Variants in PARD3 observed in about 807,000 individuals in gnomAD.
PARD3 encodes partitioning defective 3 homolog.
Under a neutral mutation model 155.4 loss-of-function variants are expected in PARD3, and 75 were observed. The ratio of observed to expected loss-of-function variants is 0.48; its 90% CI spans 0.40 to 0.58. The LOEUF (loss-of-function observed/expected upper bound fraction) is 0.58. Ranked by LOEUF, PARD3 falls within the 20% of genes least tolerant of loss-of-function variation. PARD3 has a pLI of 0.00. For synonymous variants in PARD3, 576 were observed against 610.5 expected (o/e 0.94, Z 0.83); for missense variants, 1,642 against 1,721.7 (o/e 0.95, Z 0.82).
chr10:34,642,908 T>G (rs976953611), intron 2 of PARD3, among the ~76,000 whole-genome samples: 3 of 152,194 alleles, frequency 2.0e-5, no homozygotes, highest in African/African-American at 7.2e-5. Flanking sequence ...CCCAGCTCTG[T>G]GGCTTCCCAT....
chr10:34,741,173 A>ATTT (rs1470627211), intron 1 of PARD3, among the ~76,000 whole-genome samples: 1 of 82,884 alleles, frequency 1.2e-5, no homozygotes, highest in African/African-American at 3.4e-5. Context: ...TCGTAAACCA[A>ATTT]ATTTTTTTTT....
At chr10:34,140,477 G>T (rs749290490) in intron 22 of PARD3, among the ~76,000 whole-genome samples, 1 of 152,164 alleles carries the variant, frequency 6.6e-6, no homozygotes, top group African/African-American at 2.4e-5. Context: ...AATTAAGAGA[G>T]AAGGGAAAGA....
chr10:34,333,892 C>G (rs1835874113), intron 18 of PARD3, among the ~76,000 whole-genome samples: 1 of 150,630 alleles, frequency 6.6e-6, no homozygotes, highest in Non-Finnish European at 1.5e-5. Flanking sequence ...GTTAGGATTT[C>G]TCAGCGAAGT....
chr10:34,480,794 CTTT>C (rs61461165), intron 3 of PARD3, among the ~76,000 whole-genome samples: 10 of 125,768 alleles, frequency 8.0e-5, no homozygotes, highest in African/African-American at 3.1e-4. Context: ...GTTTCTTTTT[CTTT>C]TTTTTTTTTT....
At chr10:34,339,526 T>C (rs1378977356) in intron 16 of PARD3, among the ~76,000 whole-genome samples, 1 of 152,230 alleles carries the variant, frequency 6.6e-6, no homozygotes, top group Non-Finnish European at 1.5e-5. Flanking sequence ...CACATATTGG[T>C]GCACCTTTAA....
chr10:34,225,563 C>G (rs941439852), intron 22 of PARD3, among the ~76,000 whole-genome samples: 2 of 152,122 alleles, frequency 1.3e-5, no homozygotes, highest in African/African-American at 4.8e-5. Flanking sequence ...CCAGGCTGGT[C>G]TTGAACTCCT....
intron 12 of PARD3, among the ~76,000 whole-genome samples, chr10:34,361,271 A>G (rs1198328639): frequency 2.0e-5 from 3 of 152,232 alleles, no homozygotes; most frequent in Non-Finnish European, 4.4e-5. Context: ...ACTGAATGGC[A>G]CATCTAGTCC....
At chr10:34,616,175 G>C (rs1248552798) in intron 2 of PARD3, among the ~76,000 whole-genome samples, 3 of 152,036 alleles carry the variant, frequency 2.0e-5, no homozygotes, top group African/African-American at 7.2e-5. Context: ...AAATTAGCCA[G>C]GTATGGTAGC....
intron 4 of PARD3, among the ~76,000 whole-genome samples, chr10:34,451,906 A>T (rs2132813986): frequency 6.6e-6 from 1 of 152,172 alleles, no homozygotes; most frequent in South Asian, 2.1e-4. Flanking sequence ...AAGCTTCAGA[A>T]AAAAGGAAAG....
At chr10:34,343,631 T>A (rs1589242982) in intron 15 of PARD3, 1 of 985,222 alleles carries the variant, frequency 1.0e-6, no homozygotes, top group Non-Finnish European at 1.2e-6. Context: ...TATACCAGGG[T>A]AATGGACAGC....
At chr10:34,739,463 C>T (rs1026291893) in intron 1 of PARD3, among the ~76,000 whole-genome samples, 1 of 152,182 alleles carries the variant, frequency 6.6e-6, no homozygotes. Context: ...TAAGCGTCCA[C>T]CTGACTTATA....
intron 2 of PARD3, among the ~76,000 whole-genome samples, chr10:34,641,512 A>G (rs1367838240): frequency 6.6e-6 from 1 of 152,198 alleles, no homozygotes; most frequent in Non-Finnish European, 1.5e-5. Flanking sequence ...ATTACATACT[A>G]GTAAAAGGCA....
At chr10:34,281,082 G>A (rs528672317) in intron 21 of PARD3, among the ~76,000 whole-genome samples, 34 of 151,956 alleles carry the variant, frequency 2.2e-4, no homozygotes, top group African/African-American at 7.3e-4. Context: ...ATGCTTGGTC[G>A]ACAGAGAAAT....
At position 34,152,927 on chromosome 10, in the gene PARD3, T is replaced by C. The variant is rs564311456; in HGVS notation, c.3420-21344A>G. Among the ~76,000 whole-genome samples the C allele has an allele frequency of 4.6e-5, 7 of 152,274 alleles. No homozygotes were observed. The South Asian group carries it at 1.2e-3, about 27-fold the overall frequency. The stretch of plus-strand genomic sequence containing the variant: ...ATTATCAGGACCAACCTCTTCGCTT[T>C]ACTGATGAGGAAACTGAGGCCCAGA... On this transcript the variant is annotated intron_variant, in intron 22 of 24. Transcript: ENST00000374788.
intron 5 of PARD3, among the ~76,000 whole-genome samples, chr10:34,417,053 G>A (rs1845742779): frequency 6.6e-6 from 1 of 152,152 alleles, no homozygotes; most frequent in African/African-American, 2.4e-5. Flanking sequence ...CATGAGGAAT[G>A]GTTCCCACAC....
intron 20 of PARD3, among the ~76,000 whole-genome samples, chr10:34,309,548 CAAAAA>C (rs1173904388): frequency 3.1e-4 from 20 of 64,028 alleles, no homozygotes; most frequent in South Asian, 9.5e-4. Context: ...ACCCTGTCTC[CAAAAA>C]AAAAAAAAAA....
chr10:34,448,108 G>A (rs1327595866), intron 5 of PARD3, among the ~76,000 whole-genome samples: 1 of 150,734 alleles, frequency 6.6e-6, no homozygotes, highest in Non-Finnish European at 1.5e-5. Flanking sequence ...ACCGATGAAT[G>A]GATAAAGAAA....
chr10:34,807,751 AAT>A (rs765243730), intron 1 of PARD3, among the ~76,000 whole-genome samples: 31 of 152,278 alleles, frequency 2.0e-4, no homozygotes, highest in East Asian at 1.5e-3. Flanking sequence ...CTATATACAA[AAT>A]ATACTCTGTT....
chr10:34,752,958 T>C (rs1836251440), intron 1 of PARD3, among the ~76,000 whole-genome samples: 1 of 142,550 alleles, frequency 7.0e-6, no homozygotes. Context: ...AATTCTCTTT[T>C]TCTAAAACTA....
Sources: allele counts gnomAD v4.1 joint callset (sites outside exome capture counted in the v4.1 genomes callset), GRCh38; gene constraint gnomAD v4.1.1; transcripts MANE v1.5; gene names NCBI Gene and HGNC (gene_info 2026-07-23, HGNC 2026-07-21).